Variants in RAP1GDS1 observed in about 807,000 individuals in gnomAD.
The protein encoded by RAP1GDS1 is RAP1, GTP-GDP dissociation stimulator 1.
RAP1GDS1 carries 35 observed loss-of-function variants against 71.1 expected under a neutral mutation model. That is an observed-to-expected ratio of 0.49 (90% confidence interval 0.38 to 0.65). The LOEUF is 0.65. Ranked by LOEUF, RAP1GDS1 falls within the 30% of genes least tolerant of loss-of-function variation. The pLI is 0.00. For synonymous variants in RAP1GDS1, 229 were observed against 243.1 expected, an observed-to-expected ratio of 0.94 and a Z score of 0.54; for missense variants, 663 against 706.1, an observed-to-expected ratio of 0.94 and a Z score of 0.69.
chr4:98,315,938 C>T (rs1730871659), intron 2 of RAP1GDS1, among the ~76,000 whole-genome samples: 1 of 151,880 alleles, frequency 6.6e-6, no homozygotes, highest in Non-Finnish European at 1.5e-5. Context: ...CTTTAGAGTT[C>T]CAGGGCCTAG....
At chr4:98,386,820 T>G (rs531695000) in intron 5 of RAP1GDS1, among the ~76,000 whole-genome samples, 1 of 152,210 alleles carries the variant, frequency 6.6e-6, no homozygotes, top group South Asian at 2.1e-4. Context: ...TAGCCATATT[T>G]AAGTCAGTTT....
At chr4:98,399,649 T>C (rs1336105159) in intron 6 of RAP1GDS1, among the ~76,000 whole-genome samples, 2 of 152,126 alleles carry the variant, frequency 1.3e-5, no homozygotes, top group African/African-American at 4.8e-5. Flanking sequence ...CAAAAGAAGA[T>C]ACAAAAATGG....
At chr4:98,320,547 G>A (rs1314060938) in intron 2 of RAP1GDS1, among the ~76,000 whole-genome samples, 1 of 152,064 alleles carries the variant, frequency 6.6e-6, no homozygotes, top group African/African-American at 2.4e-5. Flanking sequence ...GAGAGCAGTG[G>A]TTCTCCCAGC....
intron 7 of RAP1GDS1, among the ~76,000 whole-genome samples, chr4:98,406,242 T>A (rs1032333324): frequency 1.3e-5 from 2 of 152,062 alleles, no homozygotes; most frequent in African/African-American, 4.8e-5. Flanking sequence ...GTGGCCTAAA[T>A]GCTCTAATTA....
At chr4:98,261,819 C>T (rs918609179) in intron 1 of RAP1GDS1, among the ~76,000 whole-genome samples, 1 of 152,078 alleles carries the variant, frequency 6.6e-6, no homozygotes, top group African/African-American at 2.4e-5. Context: ...CCCGGCACCT[C>T]GCAGCCTCGC....
chr4:98,299,663 C>A (rs918141544), intron 2 of RAP1GDS1, among the ~76,000 whole-genome samples: 1 of 148,912 alleles, frequency 6.7e-6, no homozygotes, highest in African/African-American at 2.5e-5. Flanking sequence ...GAGACAGAGT[C>A]TCACTCTGTC....
intron 4 of RAP1GDS1, among the ~76,000 whole-genome samples, chr4:98,376,873 A>G (rs1001682878): frequency 7.2e-5 from 11 of 151,970 alleles, no homozygotes; most frequent in African/African-American, 2.7e-4. Flanking sequence ...AGGAGAAGAA[A>G]AGCACTGTGG....
intron 2 of RAP1GDS1, among the ~76,000 whole-genome samples, chr4:98,335,058 T>C (rs1230834273): frequency 2.0e-5 from 3 of 152,144 alleles, no homozygotes; most frequent in Non-Finnish European, 4.4e-5. Flanking sequence ...ACTTGGTCCA[T>C]CAGTTAAAAA....
intron 5 of RAP1GDS1, among the ~76,000 whole-genome samples, chr4:98,386,055 TAA>T (rs146647509): frequency 9.1e-5 from 13 of 143,618 alleles, no homozygotes; most frequent in African/African-American, 2.8e-4. Context: ...TAGTCCTCTT[TAA>T]AAAAAAAAAA....
At chr4:98,438,629 G>C (rs1326116725) in intron 14 of RAP1GDS1, among the ~76,000 whole-genome samples, 7 of 103,528 alleles carry the variant, frequency 6.8e-5, no homozygotes, top group Non-Finnish European at 3.6e-5. Context: ...GTCTTACTCT[G>C]TCACCCAGGC....
Position 98,417,349 on chromosome 4 carries a change from C to A in RAP1GDS1, c.908-18C>A. The A allele has an allele frequency of 6.3e-7, 1 of 1,593,788 alleles. No homozygotes were observed. Among genetic ancestry groups the A allele is most frequent in the South Asian group, 1.1e-5 (1 of 88,068 alleles). ...GTTATTTTTCTCTTGCTTAACTATT[C>A]GTTTCATTTACCTCCAGATGAATCC... is the stretch of plus-strand genomic sequence containing the variant. On this transcript the variant is annotated intron_variant, in intron 8 of 14. Coordinates refer to ENST00000408927, the MANE Select transcript of RAP1GDS1 (RefSeq NM_001100427.2).
intron 6 of RAP1GDS1, among the ~76,000 whole-genome samples, chr4:98,402,019 G>A (rs1284516226): frequency 6.6e-6 from 1 of 152,122 alleles, no homozygotes; most frequent in Non-Finnish European, 1.5e-5. Context: ...ATTCTCTGAA[G>A]CAGAGGGATA....
chr4:98,324,135 C>G (rs1450551091), intron 2 of RAP1GDS1, among the ~76,000 whole-genome samples: 3 of 148,494 alleles, frequency 2.0e-5, no homozygotes, highest in Admixed American at 1.3e-4. Flanking sequence ...AACAGACAAA[C>G]AGAGAGCCAA....
chr4:98,357,523 A>G (rs1738132750), intron 4 of RAP1GDS1, among the ~76,000 whole-genome samples: 1 of 151,954 alleles, frequency 6.6e-6, no homozygotes, highest in African/African-American at 2.4e-5. Context: ...GTTTTGTAAC[A>G]CTATCATAAG....
chr4:98,343,095 C>A, intron 2 of RAP1GDS1, 44 bp from the exon 3 acceptor site: 1 of 1,546,976 alleles, frequency 6.5e-7, no homozygotes, highest in Non-Finnish European at 8.8e-7. Flanking sequence ...TCAGTGTTAG[C>A]ATTAAAGATT....
chr4:98,326,517 T>G (rs967949857), intron 2 of RAP1GDS1, among the ~76,000 whole-genome samples: 1 of 152,244 alleles, frequency 6.6e-6, no homozygotes, highest in Non-Finnish European at 1.5e-5. Context: ...TGGCTTTATT[T>G]AAGCCAACAT....
intron 7 of RAP1GDS1, among the ~76,000 whole-genome samples, chr4:98,404,992 A>G (rs1446961030): frequency 5.3e-5 from 8 of 152,168 alleles, no homozygotes; most frequent in Admixed American, 3.3e-4. Context: ...GAAAAATCTT[A>G]AGAGATGCAT....
chr4:98,418,305 G>A (rs1748308205), intron 9 of RAP1GDS1, among the ~76,000 whole-genome samples: 2 of 152,160 alleles, frequency 1.3e-5, no homozygotes, highest in African/African-American at 4.8e-5. Context: ...ATAGCAAAAG[G>A]TAGAGTACTA....
chr4:98,322,936 T>C (rs865921823), intron 2 of RAP1GDS1, among the ~76,000 whole-genome samples: 1 of 60,236 alleles, frequency 1.7e-5, no homozygotes, highest in African/African-American at 3.9e-4. Flanking sequence ...AGAACTGAAG[T>C]GAAATAGAGA....
Sources: gnomAD v4.1 joint callset for allele counts (sites outside exome capture counted in the v4.1 genomes callset) on GRCh38, gnomAD v4.1.1 for gene constraint, MANE v1.5 for transcripts, NCBI Gene and HGNC (gene_info 2026-07-23, HGNC 2026-07-21) for gene names.